The following MSI2 variants were observed in gnomAD, a reference collection of about 807,000 sequenced individuals.
MSI2 encodes RNA-binding protein Musashi homolog 2.
In MSI2, 17 loss-of-function variants were observed where a neutral mutation model predicts 45.6. That is an observed-to-expected ratio of 0.37 (90% CI 0.26 to 0.56). The LOEUF (loss-of-function observed/expected upper bound fraction) is 0.56. Among genes scored for constraint, MSI2 ranks in the 20% least tolerant of loss-of-function variants. The pLI is 0.77. For missense variants in MSI2, 293 were observed against 444.2 expected (o/e 0.66, Z 3.06); for synonymous variants, 156 against 158.2 (o/e 0.99, Z 0.11).
At chr17:57,375,187 C>T (rs2083475768) in intron 5 of MSI2, among the ~76,000 whole-genome samples, 3 of 152,116 alleles carry the variant, frequency 2.0e-5, no homozygotes, top group Admixed American at 6.5e-5. Context: ...AGGAAGAGAG[C>T]ACTAGATAGA....
intron 7 of MSI2, among the ~76,000 whole-genome samples, chr17:57,563,926 C>T (rs1360585462): frequency 6.6e-6 from 1 of 152,198 alleles, no homozygotes; most frequent in East Asian, 1.9e-4. Flanking sequence ...ATTGTCTGGC[C>T]TGTTACACGC....
chr17:57,450,263 G>GAAAC (rs1555607215), intron 6 of MSI2: 1 of 18,870 alleles, frequency 5.3e-5, no homozygotes, highest in African/African-American at 1.0e-4. Context: ...CTTAAAGAAA[G>GAAAC]AAAGAAAGAA....
chr17:57,387,000 G>A lies in MSI2; in HGVS notation c.313-14379G>A, dbSNP rs982878471. Among the ~76,000 whole-genome samples, 33 of 152,156 alleles carry A rather than the reference G, an allele frequency of 2.2e-4. 1 individual carries two copies. On this transcript the variant is annotated intron_variant, in intron 5 of 13. Transcript: ENST00000284073. ...AAGTGCCCTTCAGAGAGAGCCACAC[G>A]CCATTTGCTGGGCCATGTGTCTGAT...
At chr17:57,326,960 A>T (rs571543761) in intron 5 of MSI2, among the ~76,000 whole-genome samples, 26 of 152,318 alleles carry the variant, frequency 1.7e-4, no homozygotes, top group African/African-American at 5.5e-4. Flanking sequence ...TGATAGGGTG[A>T]TAAAATGACT....
chr17:57,590,594 A>G (rs538638308), intron 7 of MSI2, among the ~76,000 whole-genome samples: 42 of 152,292 alleles, frequency 2.8e-4, no homozygotes, highest in African/African-American at 1.0e-3. Context: ...TTCATTTTTA[A>G]ATGCTCCCTG....
chr17:57,485,255 A>T (rs277062), intron 6 of MSI2, among the ~76,000 whole-genome samples: 130,792 of 152,288 alleles, frequency 0.86, 56,214 homozygotes, highest in East Asian at 0.93. Context: ...TTTTAGCACA[A>T]GTTTCACAGC....
intron 5 of MSI2, among the ~76,000 whole-genome samples, chr17:57,321,904 C>G (rs1476268563): frequency 2.0e-5 from 3 of 152,022 alleles, no homozygotes; most frequent in Non-Finnish European, 4.4e-5. Context: ...TCAAGTGATT[C>G]TCATGCCCCA....
At chr17:57,607,946 A>T (rs1906811082) in intron 8 of MSI2, among the ~76,000 whole-genome samples, 1 of 152,156 alleles carries the variant, frequency 6.6e-6, no homozygotes, top group Non-Finnish European at 1.5e-5. Flanking sequence ...TTCACAAGGG[A>T]TCCACCCCCA....
the MSI2 span, among the ~76,000 whole-genome samples, chr17:57,694,151 C>G: frequency 6.6e-6 from 1 of 152,162 alleles, no homozygotes; most frequent in Non-Finnish European, 1.5e-5. Flanking sequence ...AAAATATTTG[C>G]TATATACTGG....
At position 57,596,774 on chromosome 17, in the gene MSI2, T is replaced by C. The variant is rs1905278680; in HGVS notation, c.455-94T>C. On this transcript the variant is annotated intron_variant, in intron 7 of 13. Transcript: ENST00000284073. This position sits in a 1 kb window ranked among gnomAD's most constrained non-coding sequence, Gnocchi z 4.6. ...TACCTACCCCCAGACCAGGAGGCTG[T>C]CAAGACCTCAGGACGTCAGAGAAAA... is the stretch of plus-strand genomic sequence containing the variant. 1.2e-6 allele frequency: 1 copy of C among 832,932 alleles called. No individual in the cohort carries two copies. Among genetic ancestry groups the C allele is most frequent in the Admixed American group, 1.8e-5 (1 of 55,398 alleles). The allele number at this position is 832,932 out of a possible 1,614,324, so 51.6% of individuals were successfully genotyped here.
downstream of MSI2, among the ~76,000 whole-genome samples, chr17:57,687,071 C>A (rs1913900949): frequency 6.7e-6 from 1 of 150,122 alleles, no homozygotes. Context: ...TAACTGTGTA[C>A]AAATTAAGAA....
chr17:57,582,733 C>T (rs1284787404), intron 7 of MSI2, among the ~76,000 whole-genome samples: 1 of 152,170 alleles, frequency 6.6e-6, no homozygotes, highest in African/African-American at 2.4e-5. Context: ...TCCCTGATGT[C>T]AATCAGTTTT....
downstream of MSI2, among the ~76,000 whole-genome samples, chr17:57,689,583 C>T (rs1312567877): frequency 6.6e-6 from 1 of 152,198 alleles, no homozygotes; most frequent in East Asian, 1.9e-4. Context: ...TTTAAGTGCA[C>T]AATTCCACGA....
chr17:57,489,135 G>A (rs917372144), intron 6 of MSI2, among the ~76,000 whole-genome samples: 6 of 152,192 alleles, frequency 3.9e-5, no homozygotes, highest in East Asian at 3.9e-4. Flanking sequence ...GTAGACTTCC[G>A]CAAGCCACGT....
At chr17:57,669,188 G>A (rs1365278938) in intron 11 of MSI2, among the ~76,000 whole-genome samples, 4 of 152,222 alleles carry the variant, frequency 2.6e-5, no homozygotes, top group African/African-American at 9.6e-5. Flanking sequence ...TTTACAGTGG[G>A]CACTGCTTTC....
At chr17:57,688,077 C>G (rs964052710), downstream of MSI2, among the ~76,000 whole-genome samples, 2 of 152,006 alleles carry the variant, frequency 1.3e-5, no homozygotes, top group Non-Finnish European at 2.9e-5. Context: ...TTAATATTTG[C>G]CAAACCAACA....
At chr17:57,548,689 G>A (rs1341297069) in intron 7 of MSI2, among the ~76,000 whole-genome samples, 4 of 151,988 alleles carry the variant, frequency 2.6e-5, no homozygotes, top group South Asian at 2.1e-4. Flanking sequence ...GGCTGGGAGC[G>A]GGTGGGGGTG....
At chr17:57,700,014 C>T in the MSI2 span, among the ~76,000 whole-genome samples, 13,357 of 152,314 alleles carry the variant, frequency 0.088, 613 homozygotes, top group Non-Finnish European at 0.1. Flanking sequence ...ACCAAATGAC[C>T]CCATCCATGG....
In MSI2 at chr17:57,469,707, G is replaced by GTTGAAA. The variant is rs1434374987; in HGVS notation, c.406-59969_406-59968insTTGAAA. 2.0e-5 allele frequency among the ~76,000 whole-genome samples: 3 copies of GTTGAAA among 152,346 alleles called. No individual in the cohort carries two copies. In the East Asian group the frequency reaches 5.8e-4, roughly 29 times the overall value. Reference sequence around the variant, plus strand: ...GACTAGAGCTAAAGTGAGAAGGGCAGGAACTGAAAGTTTCTTTCAACTGGT... The same window carrying GTTGAAA: ...GACTAGAGCTAAAGTGAGAAGGGCAGTTGAAAGAACTGAAAGTTTCTTTCAACTGGT... On this transcript the variant is annotated intron_variant, in intron 6 of 13. Coordinates refer to ENST00000284073, the MANE Select transcript of MSI2 (RefSeq NM_138962.4).
Sources: gnomAD v4.1 joint callset for allele counts (sites outside exome capture counted in the v4.1 genomes callset) on GRCh38, gnomAD v4.1.1 for gene constraint, Gnocchi (gnomAD v3.1) non-coding constraint, MANE v1.5 for transcripts, NCBI Gene and HGNC (gene_info 2026-07-23, HGNC 2026-07-21) for gene names.